The following NEBL variants were observed in gnomAD, a reference collection of about 807,000 sequenced individuals.
The protein encoded by NEBL is nebulette.
In NEBL, 122 loss-of-function variants were observed where a neutral mutation model predicts 140.2. The observed-to-expected ratio is 0.87, with a 90% CI of 0.75 to 1.01. NEBL has a LOEUF of 1.01. Ranked by LOEUF, NEBL falls within the 50% of genes least tolerant of loss-of-function variation. The pLI is 0.00. For missense variants in NEBL, 1,365 were observed against 1,231.3 expected, an observed-to-expected ratio of 1.11 and a Z score of -1.62; for synonymous variants, 436 against 398.9, an observed-to-expected ratio of 1.09 and a Z score of -1.11.
chr10:20,936,972 C>A (rs563925045), intron 4 of NEBL, among the ~76,000 whole-genome samples: 3 of 152,188 alleles, frequency 2.0e-5, no homozygotes, highest in Non-Finnish European at 2.9e-5. Flanking sequence ...GGTATTAATC[C>A]GCATTTCAAA....
intron 3 of NEBL, among the ~76,000 whole-genome samples, chr10:20,971,374 A>C (rs1836561258): frequency 6.6e-6 from 1 of 152,062 alleles, no homozygotes; most frequent in South Asian, 2.1e-4. Context: ...TTAATCCTTT[A>C]GTCTCATCTT....
intron 2 of NEBL, among the ~76,000 whole-genome samples, chr10:21,103,507 C>A (rs895853320): frequency 6.6e-6 from 1 of 152,178 alleles, no homozygotes; most frequent in Non-Finnish European, 1.5e-5. Context: ...GCCACCGCAC[C>A]AGGCCTTTTT....
intron 23 of NEBL, 112 bp downstream of exon 23, chr10:20,813,827 A>C: frequency 1.0e-5 from 8 of 766,808 alleles, no homozygotes; most frequent in Admixed American, 3.9e-5. Flanking sequence ...AGACAAGCCA[A>C]CCACATTTCC....
chr10:20,842,338 G>C (rs1841477838), intron 12 of NEBL, among the ~76,000 whole-genome samples: 1 of 151,954 alleles, frequency 6.6e-6, no homozygotes, highest in South Asian at 2.1e-4. Context: ...TTCCACCTTG[G>C]TGAAATGAAA....
At chr10:21,177,364 G>A (rs1030770665), upstream of NEBL, among the ~76,000 whole-genome samples, 3 of 152,186 alleles carry the variant, frequency 2.0e-5, no homozygotes, top group Non-Finnish European at 4.4e-5. Flanking sequence ...CATGACGGGA[G>A]TAAGAAATAA....
chr10:20,824,706 A>T (rs1015189855), intron 18 of NEBL, among the ~76,000 whole-genome samples: 1 of 152,182 alleles, frequency 6.6e-6, no homozygotes, highest in Admixed American at 6.5e-5. Flanking sequence ...GGATGCTAAG[A>T]GAAGAAATGA....
Position 21,095,847 on chromosome 10 carries a change from T to C in NEBL, c.165-75646A>G, listed in dbSNP as rs544340247. ...CTCCCTCATCCATGAGTCCTCTTAG[T>C]ACTGTTCAAAAGATGACGGAACTAG... On this transcript the variant is annotated intron_variant, in intron 2 of 6. Coordinates refer to the NEBL transcript ENST00000417816. 8.5e-5 allele frequency among the ~76,000 whole-genome samples: 13 copies of C among 152,306 alleles called. 1 individual carries two copies. The South Asian group carries it at 2.7e-3, about 32-fold the overall frequency.
At chr10:20,936,167 A>C (rs1410629908) in intron 4 of NEBL, among the ~76,000 whole-genome samples, 3 of 152,256 alleles carry the variant, frequency 2.0e-5, no homozygotes, top group African/African-American at 4.8e-5. Context: ...TATTAAGCAC[A>C]ATGACAAATC....
At chr10:21,230,297 C>T (rs1474671091) in intron 3 of NEBL, among the ~76,000 whole-genome samples, 1 of 152,070 alleles carries the variant, frequency 6.6e-6, no homozygotes, top group Non-Finnish European at 1.5e-5. Flanking sequence ...TTCTCATTCT[C>T]AACTTCCTTA....
intron 4 of NEBL, among the ~76,000 whole-genome samples, chr10:20,955,446 T>C (rs1233584795): frequency 6.6e-6 from 1 of 152,048 alleles, no homozygotes; most frequent in Non-Finnish European, 1.5e-5. Context: ...TTACAGATAG[T>C]GTGAAATTGT....
chr10:20,974,453 C>T (rs1180769813), intron 3 of NEBL, among the ~76,000 whole-genome samples: 4 of 151,904 alleles, frequency 2.6e-5, no homozygotes, highest in African/African-American at 9.7e-5. Context: ...GGGGTTTTGC[C>T]ATGCTGCTTC....
chr10:21,278,312 C>T (rs1435024840), intron 1 of NEBL, among the ~76,000 whole-genome samples: 3 of 152,098 alleles, frequency 2.0e-5, no homozygotes, highest in African/African-American at 7.2e-5. Flanking sequence ...GGTGTGGTGG[C>T]GTGCACCTAT....
chr10:20,996,042 G>A (rs924565536), intron 3 of NEBL, among the ~76,000 whole-genome samples: 1 of 152,118 alleles, frequency 6.6e-6, no homozygotes, highest in Non-Finnish European at 1.5e-5. Flanking sequence ...ATCTTCGCCA[G>A]CAAGGTTTAG....
intron 3 of NEBL, among the ~76,000 whole-genome samples, chr10:20,991,685 G>C (rs1408368586): frequency 6.6e-6 from 1 of 151,860 alleles, no homozygotes; most frequent in Non-Finnish European, 1.5e-5. Flanking sequence ...TGATGCAGAG[G>C]TTTGGGCTTT....
rs1011782322 is a variant in NEBL, at chr10:20,961,870, C to T, written c.250-91G>A. The stretch of plus-strand genomic sequence containing the variant: ...CCAACGAAGCTGCTGGAATTGGAAA[C>T]AATGGCTAAAAACACAGATCTCAGC... On this transcript the variant is annotated intron_variant, in intron 3 of 6. Transcript: ENST00000417816. The T allele has an allele frequency of 1.3e-5, 12 of 945,756 alleles. No homozygotes were observed. In the African/African-American group the frequency reaches 1.3e-4, roughly 10 times the overall value. 58.6% of individuals were successfully genotyped at this position (945,756 alleles called of 1,614,324 possible). A position where few individuals can be genotyped will look rare whatever the true frequency, so the allele number is the denominator to read the frequency against.
At chr10:21,084,731 C>T (rs936310567) in intron 2 of NEBL, among the ~76,000 whole-genome samples, 4 of 152,146 alleles carry the variant, frequency 2.6e-5, no homozygotes, top group African/African-American at 9.7e-5. Context: ...CTAAGAAATA[C>T]TGAATGAATG....
intron 9 of NEBL, among the ~76,000 whole-genome samples, chr10:20,857,647 T>A (rs778397234): frequency 1.3e-5 from 2 of 152,084 alleles, no homozygotes; most frequent in African/African-American, 2.4e-5. Flanking sequence ...GCATTCAGCG[T>A]AGTGAGAGTC....
chr10:20,936,083 T>C (rs189879853), intron 4 of NEBL, among the ~76,000 whole-genome samples: 2 of 152,308 alleles, frequency 1.3e-5, no homozygotes, highest in East Asian at 3.9e-4. Context: ...ATGACATGAC[T>C]AATTAAAGCA....
At chr10:20,794,945 A>C (rs1836363903) in intron 26 of NEBL, among the ~76,000 whole-genome samples, 1 of 152,188 alleles carries the variant, frequency 6.6e-6, no homozygotes. Flanking sequence ...AAAGGAGCTG[A>C]AGGTTAGCAG....
Sources: gnomAD v4.1 joint callset for allele counts (sites outside exome capture counted in the v4.1 genomes callset) on GRCh38, gnomAD v4.1.1 for gene constraint, MANE v1.5 for transcripts, NCBI Gene and HGNC (gene_info 2026-07-23, HGNC 2026-07-21) for gene names.